Variants in SIN3B observed in about 807,000 individuals in gnomAD.
SIN3B encodes the protein paired amphipathic helix protein Sin3b.
A neutral mutation model predicts 120.2 loss-of-function variants in SIN3B; 19 were observed. The observed-to-expected ratio is 0.16, with a 90% CI of 0.11 to 0.23. The LOEUF is 0.23. Among genes scored for constraint, SIN3B ranks in the 10% least tolerant of loss-of-function variants. SIN3B has a pLI of 1.00. For missense variants in SIN3B, 1,073 were observed against 1,573.0 expected (o/e 0.68, Z 5.38); for synonymous variants, 654 against 653.2 (o/e 1.00, Z -0.02).
intron 5 of SIN3B, among the ~76,000 whole-genome samples, chr19:16,850,328 C>T (rs565510656): frequency 1.3e-5 from 2 of 152,326 alleles, no homozygotes; most frequent in African/African-American, 2.4e-5. Context: ...GTTAGCACTT[C>T]TAAGTGTCTT....
chr19:16,877,683 C>G, intron 17 of SIN3B, 44 bp downstream of exon 17: 1 of 1,368,946 alleles, frequency 7.3e-7, no homozygotes, highest in Non-Finnish European at 1.0e-6. Flanking sequence ...CCTTCCTGGG[C>G]CCAGGGAGTG....
At chr19:16,869,051 T>C (rs1971818704) in intron 12 of SIN3B, among the ~76,000 whole-genome samples, 1 of 152,010 alleles carries the variant, frequency 6.6e-6, no homozygotes, top group South Asian at 2.1e-4. Context: ...CACCGTTGCT[T>C]TCAGTAGGAG....
intron 5 of SIN3B, among the ~76,000 whole-genome samples, chr19:16,850,725 C>T (rs182391244): frequency 2.7e-4 from 41 of 152,312 alleles, no homozygotes; most frequent in African/African-American, 9.1e-4. Context: ...TGTCCATCGT[C>T]CCCTGCCTGT....
intron 5 of SIN3B, among the ~76,000 whole-genome samples, chr19:16,851,058 C>T (rs799184): frequency 0.64 from 98,104 of 152,106 alleles, 32,484 homozygotes; most frequent in African/African-American, 0.78. Flanking sequence ...TCTGTGGTGC[C>T]GGCATGCACA....
At chr19:16,868,299 G>A (rs923721838) in intron 12 of SIN3B, among the ~76,000 whole-genome samples, 3 of 152,170 alleles carry the variant, frequency 2.0e-5, no homozygotes, top group Non-Finnish European at 4.4e-5. Context: ...CCTCTAAGCC[G>A]CCTTGCAGGG....
chr19:16,863,305 ATCCAC>A, intron 9 of SIN3B: 1 of 469,600 alleles, frequency 2.1e-6, no homozygotes. Context: ...ATAAAGCGTA[ATCCAC>A]ATTTTAAGAA....
chr19:16,856,979 A>G (rs1338393575), intron 8 of SIN3B, among the ~76,000 whole-genome samples: 1 of 152,140 alleles, frequency 6.6e-6, no homozygotes, highest in Non-Finnish European at 1.5e-5. Context: ...ATAGTAGTTG[A>G]CAGCACTTGT....
chr19:16,862,742 C>T lies in SIN3B; in HGVS notation c.1266+183C>T. 1.0e-6 allele frequency: 1 copy of T among 972,894 alleles called. No homozygotes were observed. Among genetic ancestry groups the T allele is most frequent in the South Asian group, 1.4e-5 (1 of 69,522 alleles). The allele number at this position is 972,894 out of a possible 1,614,324, so 60.3% of individuals were successfully genotyped here. ...CCTGAGCAGAGACAACAGTGTTGTA[C>T]CCTGCTGGTAGTTTTGGCAAAACAC... On this transcript the variant is annotated intron_variant, in intron 9 of 18. Transcript: ENST00000248054. This position sits in a 1 kb window ranked among gnomAD's most constrained non-coding sequence, Gnocchi z 4.7.
chr19:16,848,027 C>T (rs971258133), intron 5 of SIN3B, among the ~76,000 whole-genome samples: 2 of 152,170 alleles, frequency 1.3e-5, no homozygotes, highest in East Asian at 1.9e-4. Context: ...GTGTCTGGCT[C>T]CTCTCACTCA....
chr19:16,836,071 AAG>A (rs1385096875), intron 3 of SIN3B, among the ~76,000 whole-genome samples: 2 of 152,182 alleles, frequency 1.3e-5, no homozygotes, highest in African/African-American at 2.4e-5. Context: ...GAAGGTGAAT[AAG>A]AGAGTCCCAG....
Position 16,870,345 on chromosome 19 carries a change from G to A in SIN3B, c.2422+270G>A, listed in dbSNP as rs560555916. On this transcript the variant is annotated intron_variant, in intron 13 of 18. Transcript: ENST00000248054. ...ACATTTGTTTCTCATGGGCTTTCTC[G>A]TGGAGCCGTCATGGCCCAGCTCCAC... Among the ~76,000 whole-genome samples, 11 of 152,054 alleles carry A rather than the reference G, an allele frequency of 7.2e-5. No homozygotes were observed. The East Asian group carries it at 9.7e-4, about 13-fold the overall frequency.
At chr19:16,859,893 G>C (rs1387156632) in intron 8 of SIN3B, among the ~76,000 whole-genome samples, 2 of 152,164 alleles carry the variant, frequency 1.3e-5, no homozygotes, top group African/African-American at 2.4e-5. Context: ...CCCCGGGTTG[G>C]AATTGGGACT....
chr19:16,835,228 C>CT lies in SIN3B; in HGVS notation c.381+3599dup, dbSNP rs1183912183. The stretch of plus-strand genomic sequence containing the variant: ...GGCATGAGCCACTGCACCTGGCCAT[C>CT]TTTTTTTTTTTTTTTTTTGAGACAG... On this transcript the variant is annotated intron_variant, in intron 3 of 18. Coordinates refer to ENST00000248054, the MANE Select transcript of SIN3B (RefSeq NM_001297595.2). 9.5e-3 allele frequency among the ~76,000 whole-genome samples: 1,189 copies of CT among 125,790 alleles called. 15 individuals carry two copies. Among genetic ancestry groups the CT allele is most frequent in the African/African-American group, 0.022 (748 of 33,986 alleles). 82.5% of individuals were successfully genotyped at this position (125,790 alleles called of 152,430 possible). A position where few individuals can be genotyped will look rare whatever the true frequency, so the allele number is the denominator to read the frequency against.
At chr19:16,857,523 G>GTT (rs1971632259) in intron 8 of SIN3B, among the ~76,000 whole-genome samples, 1 of 124,022 alleles carries the variant, frequency 8.1e-6, no homozygotes, top group African/African-American at 3.1e-5. Flanking sequence ...AAATATGTGT[G>GTT]TGTGTGTGTG....
At chr19:16,833,611 G>A (rs1380485810) in intron 3 of SIN3B, among the ~76,000 whole-genome samples, 3 of 149,052 alleles carry the variant, frequency 2.0e-5, no homozygotes, top group Non-Finnish European at 4.5e-5. Context: ...TAGCCTGGGT[G>A]ACAGAGCAAG....
chr19:16,829,633 A>G, intron 1 of SIN3B, 93 bp downstream of exon 1: 3 of 616,746 alleles, frequency 4.9e-6, no homozygotes, highest in Non-Finnish European at 5.5e-6. Context: ...CCCCAGCCCC[A>G]CCTCGGCCTC....
At chr19:16,832,322 C>T (rs1169056288) in intron 3 of SIN3B, among the ~76,000 whole-genome samples, 2 of 151,060 alleles carry the variant, frequency 1.3e-5, no homozygotes, top group African/African-American at 4.9e-5. Context: ...CTCAGCCTCC[C>T]GAGTAGCTGG....
chr19:16,875,691 G>A (rs1369833814), intron 14 of SIN3B, among the ~76,000 whole-genome samples: 1 of 145,448 alleles, frequency 6.9e-6, no homozygotes, highest in African/African-American at 2.6e-5. Context: ...GTCTGGTCTG[G>A]TCTGGTCGGT....
rs2051487390 is a variant in SIN3B, at chr19:16,869,993, G to T, written c.2340G>T (p.Glu780Asp). Residue 780 changes from glutamate to aspartate, a missense_variant, in exon 13 of 19, where the codon GAG becomes GAT. Transcript: ENST00000248054. ...AQKQLLEYRTEKEREKLLCEG... is the reference protein window; with the variant it reads ...AQKQLLEYRTDKEREKLLCEG... ...AGCAGCTTCTGGAGTATCGGACCGA[G>T]AAGGAGCGGGAGAAGCTGCTGTGTG... 1.9e-6 allele frequency: 3 copies of T among 1,613,958 alleles called. No individual in the cohort carries two copies. The highest frequency in any genetic ancestry group is 2.5e-6 in the Non-Finnish European group (3 of 1,180,024).
Sources: gnomAD v4.1 joint callset for allele counts (sites outside exome capture counted in the v4.1 genomes callset) on GRCh38, gnomAD v4.1.1 for gene constraint, Gnocchi (gnomAD v3.1) non-coding constraint, MANE v1.5 for transcripts, NCBI Gene and HGNC (gene_info 2026-07-23, HGNC 2026-07-21) for gene names.